The following TDRD12 variants were observed in gnomAD, a reference collection of about 807,000 sequenced individuals.
TDRD12 encodes tudor domain containing 12.
In TDRD12, 158 loss-of-function variants were observed where a neutral mutation model predicts 133.5. The ratio of observed to expected loss-of-function variants is 1.18; its 90% confidence interval spans 1.04 to 1.35. TDRD12 has a LOEUF of 1.35. Among genes scored for constraint, TDRD12 ranks in the 40% most tolerant of loss-of-function variants. The pLI, the probability that TDRD12 is intolerant of heterozygous loss-of-function variation, is 0.00. For missense variants in TDRD12, 1,443 were observed against 1,321.3 expected, an observed-to-expected ratio of 1.09 and a Z score of -1.43; for synonymous variants, 460 against 477.9, an observed-to-expected ratio of 0.96 and a Z score of 0.49.
chr19:32,754,006 T>TA (rs1434137530), intron 6 of TDRD12, among the ~76,000 whole-genome samples: 4 of 152,188 alleles, frequency 2.6e-5, no homozygotes, highest in South Asian at 2.1e-4. Flanking sequence ...CAAAGTTACT[T>TA]AGGTTGTTTT....
intron 4 of TDRD12, 24 bp from the exon 5 acceptor site, chr19:32,748,452 A>G: frequency 6.5e-7 from 1 of 1,548,404 alleles, no homozygotes; most frequent in Non-Finnish European, 8.7e-7. Flanking sequence ...TATGTAATGG[A>G]GTTGCATCTG....
At chr19:32,774,460 C>CTT (rs947069854) in intron 10 of TDRD12, among the ~76,000 whole-genome samples, 6 of 144,710 alleles carry the variant, frequency 4.1e-5, no homozygotes, top group Non-Finnish European at 7.6e-5. Flanking sequence ...ACTCTTTCAG[C>CTT]TTTTTTTTTT....
intron 8 of TDRD12, among the ~76,000 whole-genome samples, chr19:32,767,558 G>T (rs572794561): frequency 2.0e-5 from 3 of 152,326 alleles, no homozygotes; most frequent in Admixed American, 6.5e-5. Context: ...TCATAAGCGT[G>T]CAGGCAGGTC....
chr19:32,793,171 C>G (rs1971119741), intron 13 of TDRD12, among the ~76,000 whole-genome samples: 1 of 144,278 alleles, frequency 6.9e-6, no homozygotes, highest in South Asian at 2.2e-4. Context: ...GGGCACAGAA[C>G]GAGACTCTGT....
At chr19:32,790,651 A>G (rs1299796363) in intron 12 of TDRD12, 60 bp downstream of exon 12, 2 of 1,551,604 alleles carry the variant, frequency 1.3e-6, no homozygotes, top group East Asian at 2.4e-5. Context: ...TATTCTTTAA[A>G]TCCTTCTCCT....
intron 18 of TDRD12, among the ~76,000 whole-genome samples, chr19:32,801,494 T>C (rs1971388922): frequency 6.6e-6 from 1 of 152,212 alleles, no homozygotes; most frequent in African/African-American, 2.4e-5. Context: ...CACACAAGTA[T>C]GGCTGTGTTA....
chr19:32,767,718 G>T (rs1039208066), intron 8 of TDRD12, among the ~76,000 whole-genome samples: 2 of 152,168 alleles, frequency 1.3e-5, no homozygotes, highest in Non-Finnish European at 2.9e-5. Flanking sequence ...CTCAGAGGTT[G>T]CACATGGTGC....
chr19:32,738,972 C>T (rs1969309460), exon 3 of TDRD12: 1 of 1,550,666 alleles, frequency 6.4e-7, no homozygotes, highest in African/African-American at 1.4e-5. Context: ...TTGCCAAGAA[C>T]ATTCCAGTCA....
downstream of TDRD12, among the ~76,000 whole-genome samples, chr19:32,822,746 CAA>C (rs61143161): frequency 1.4e-5 from 2 of 139,816 alleles, no homozygotes; most frequent in African/African-American, 2.7e-5. Flanking sequence ...GACTCCATCT[CAA>C]AAAAAAAAAG....
chr19:32,748,469 G>A lies in TDRD12; in HGVS notation c.441-7G>A. On this transcript the variant is annotated splice_polypyrimidine_tract_variant and splice_region_variant and intron_variant, in intron 4 of 27. Coordinates refer to ENST00000444215, the Ensembl canonical transcript of TDRD12. ...TGTAATGGAGTTGCATCTGTTCACT[G>A]TTCCAGACCTGCCAAGAAGTGGGAC... The A allele has an allele frequency of 6.4e-7, 1 of 1,551,502 alleles. No homozygotes were observed. Among genetic ancestry groups the A allele is most frequent in the South Asian group, 1.2e-5 (1 of 84,002 alleles).
At chr19:32,810,112 T>C (rs1328133034) in exon 23 of TDRD12, 1 of 1,522,716 alleles carries the variant, frequency 6.6e-7, no homozygotes, top group Admixed American at 2.1e-5. Context: ...TTTTATATTT[T>C]GAATGCAACA....
downstream of TDRD12, among the ~76,000 whole-genome samples, chr19:32,822,607 C>T (rs560966671): frequency 1.1e-4 from 16 of 150,750 alleles, no homozygotes; most frequent in South Asian, 2.1e-4. Context: ...ATTAGCCAGG[C>T]GTGGTGGTGG....
rs1269505888 is a variant in TDRD12 at position 32,733,112 on chromosome 19, C to T, written c.183+1229C>T. 3.9e-5 allele frequency among the ~76,000 whole-genome samples: 6 copies of T among 152,166 alleles called. 1 individual carries two copies. In the East Asian group the frequency reaches 1.2e-3, roughly 29 times the overall value. The stretch of plus-strand genomic sequence containing the variant: ...ACTTGAGCCTGGGAGGTAATAGCTG[C>T]AGTAAGCTGTGTTTGCGCCACTGCA... On this transcript the variant is annotated intron_variant, in intron 2 of 27. Transcript: ENST00000444215.
chr19:32,805,626 C>T (rs892265275), intron 21 of TDRD12, among the ~76,000 whole-genome samples: 1 of 151,954 alleles, frequency 6.6e-6, no homozygotes, highest in African/African-American at 2.4e-5. Flanking sequence ...TGTTATAGCA[C>T]GTCTTAGGAG....
At chr19:32,751,106 C>T (rs1033511544) in intron 6 of TDRD12, among the ~76,000 whole-genome samples, 1 of 147,390 alleles carries the variant, frequency 6.8e-6, no homozygotes, top group Non-Finnish European at 1.5e-5. Context: ...CTCCCTCCCC[C>T]CTCCCCACCC....
chr19:32,770,684 G>A (rs1180575392), intron 8 of TDRD12, among the ~76,000 whole-genome samples: 1 of 152,068 alleles, frequency 6.6e-6, no homozygotes, highest in Non-Finnish European at 1.5e-5. Context: ...AATAAACATG[G>A]GCAAGTTATT....
At chr19:32,751,036 C>G (rs1286699498) in intron 6 of TDRD12, among the ~76,000 whole-genome samples, 5 of 151,780 alleles carry the variant, frequency 3.3e-5, no homozygotes, top group African/African-American at 1.2e-4. Context: ...GTTTGCTGGC[C>G]AGATCATCCC....
exon 14 of TDRD12, chr19:32,794,744 C>T: frequency 1.4e-6 from 1 of 703,436 alleles, no homozygotes; most frequent in Non-Finnish European, 2.6e-6. Flanking sequence ...ACCCTTTGCT[C>T]TACCTCCTAC....
At chr19:32,741,295 T>G (rs1969417771) in intron 3 of TDRD12, among the ~76,000 whole-genome samples, 1 of 152,322 alleles carries the variant, frequency 6.6e-6, no homozygotes, top group East Asian at 1.9e-4. Context: ...TTGGCCAGGC[T>G]GGTCTTGAAC....
Sources: gnomAD v4.1 joint callset for allele counts (sites outside exome capture counted in the v4.1 genomes callset) on GRCh38, gnomAD v4.1.1 for gene constraint, MANE v1.5 for transcripts, NCBI Gene and HGNC (gene_info 2026-07-23, HGNC 2026-07-21) for gene names.